Variants in TAF1A observed in about 807,000 individuals in gnomAD.
TAF1A encodes the protein TATA-box binding protein associated factor, RNA polymerase I subunit A, also known as TATA box-binding protein-associated factor RNA polymerase I subunit A.
In TAF1A, 42 loss-of-function variants were observed where a neutral mutation model predicts 61.6. The ratio of observed to expected loss-of-function variants is 0.68; its 90% CI spans 0.53 to 0.88. The LOEUF (loss-of-function observed/expected upper bound fraction) is 0.88. TAF1A is among the 40% of genes least tolerant of loss of function. The pLI is 0.00. For synonymous variants in TAF1A, 179 were observed against 177.7 expected (o/e 1.01, Z -0.06); for missense variants, 424 against 518.7 (o/e 0.82, Z 1.77).
downstream of TAF1A, chr1:222,557,893 T>G (rs548950538): frequency 5.9e-5 from 9 of 151,340 alleles, no homozygotes; most frequent in East Asian, 1.6e-3. Context: ...TTTTTTTTTT[T>G]TTTTTTTTGA....
chr1:222,585,944 A>G (rs905203618), intron 2 of TAF1A, among the ~76,000 whole-genome samples: 4 of 152,196 alleles, frequency 2.6e-5, no homozygotes, highest in Admixed American at 1.3e-4. Flanking sequence ...TCTCTTGCAA[A>G]TATTAAACAT....
chr1:222,556,625 T>C (rs1659730207), downstream of TAF1A, among the ~76,000 whole-genome samples: 1 of 152,226 alleles, frequency 6.6e-6, no homozygotes, highest in Non-Finnish European at 1.5e-5. Context: ...AGCTTAAACA[T>C]CAGTGGACCT....
At chr1:222,563,088 A>G in intron 9 of TAF1A, 85 bp downstream of exon 9, 1 of 1,271,428 alleles carries the variant, frequency 7.9e-7, no homozygotes. Context: ...AAACATAAGC[A>G]AAGATCTTTA....
chr1:222,584,323 T>A lies in TAF1A; in HGVS notation c.122-26A>T, dbSNP rs751106746. The A allele has an allele frequency of 2.6e-6, 4 of 1,563,440 alleles. No homozygotes were observed. In the South Asian group the frequency reaches 4.7e-5, roughly 18 times the overall value. On this transcript the variant is annotated intron_variant, in intron 2 of 10. Coordinates refer to ENST00000352967, the MANE Select transcript of TAF1A (RefSeq NM_005681.4). Reference sequence around the variant, plus strand: ...CTATAAAAACGAAAAAGAAGAGAGTTTTTATCCAAGTGGCTCCAGTTCAAC... The same window carrying A: ...CTATAAAAACGAAAAAGAAGAGAGTATTTATCCAAGTGGCTCCAGTTCAAC...
intron 5 of TAF1A, 127 bp downstream of exon 5, chr1:222,577,318 A>T: frequency 1.4e-6 from 1 of 698,870 alleles, no homozygotes; most frequent in Non-Finnish European, 2.4e-6. Flanking sequence ...CAAGAATTTT[A>T]AATCCATAAA....
At position 222,577,477 on chromosome 1, in the gene TAF1A, C is replaced by A; in HGVS notation, c.572G>T (p.Trp191Leu). The A allele has an allele frequency of 6.2e-7, 1 of 1,613,732 alleles. No individual in the cohort carries two copies. The change falls in exon 5 of 11, where the codon TGG (tryptophan) becomes TTG (leucine). Residue 191 changes from tryptophan (W) to leucine (L), a missense_variant. Coordinates refer to ENST00000352967, the MANE Select transcript of TAF1A (RefSeq NM_005681.4). Reference sequence around the variant, plus strand: ...TGACAATTCCATCTTCTTTTCAGACCAGGTATAATACTGTAAAAGCCCTTT... The same window carrying A: ...TGACAATTCCATCTTCTTTTCAGACAAGGTATAATACTGTAAAAGCCCTTT... The part of the protein sequence containing the change: ...AYKGLLQYYT[W>L]SEKKMELSKL...
At chr1:222,575,685 A>G (rs951300724) in intron 5 of TAF1A, among the ~76,000 whole-genome samples, 3 of 152,240 alleles carry the variant, frequency 2.0e-5, no homozygotes, top group Admixed American at 6.5e-5. Context: ...GTAAGTGCCC[A>G]TGAGTTTGGT....
chr1:222,571,707 GA>G (rs889832754), intron 5 of TAF1A, among the ~76,000 whole-genome samples: 3 of 151,884 alleles, frequency 2.0e-5, no homozygotes, highest in Non-Finnish European at 1.5e-5. Context: ...TGATACTGTT[GA>G]AAAAAAATTT....
chr1:222,559,767 C>T (rs894912970), intron 10 of TAF1A, among the ~76,000 whole-genome samples: 1 of 151,996 alleles, frequency 6.6e-6, no homozygotes, highest in African/African-American at 2.4e-5. Flanking sequence ...CCACCTCAGC[C>T]TCCCAAGTAG....
intron 5 of TAF1A, among the ~76,000 whole-genome samples, chr1:222,572,854 C>T (rs1398358573): frequency 2.0e-5 from 3 of 152,190 alleles, no homozygotes; most frequent in Admixed American, 6.5e-5. Context: ...ATCTTTGCGA[C>T]CTTGCAGTAG....
chr1:222,558,872 A>T (rs181116364), intron 10 of TAF1A, 100 bp from the exon 11 acceptor site: 2 of 493,430 alleles, frequency 4.1e-6, no homozygotes, highest in African/African-American at 3.9e-5. Context: ...CACACTAATG[A>T]TTATGAAAAT....
At chr1:222,568,143 C>T (rs1328464266) in intron 7 of TAF1A, among the ~76,000 whole-genome samples, 12 of 146,020 alleles carry the variant, frequency 8.2e-5, no homozygotes, top group Non-Finnish European at 1.8e-4. Context: ...AGCTAAAAAT[C>T]TACCATGACC....
intron 4 of TAF1A, among the ~76,000 whole-genome samples, 158 bp from the exon 5 acceptor site, chr1:222,577,801 G>GT (rs1282911298): frequency 6.6e-6 from 1 of 152,118 alleles, no homozygotes; most frequent in Admixed American, 6.5e-5. Flanking sequence ...TGGCAAAGAA[G>GT]TAAGACATAG....
chr1:222,577,711 A>C, intron 4 of TAF1A, 68 bp from the exon 5 acceptor site: 1 of 1,381,478 alleles, frequency 7.2e-7, no homozygotes, highest in Non-Finnish European at 1.0e-6. Flanking sequence ...AAGCTCAGTA[A>C]ATATATAATA....
chr1:222,557,797 G>A (rs1240545930), downstream of TAF1A: 1 of 151,750 alleles, frequency 6.6e-6, no homozygotes, highest in Non-Finnish European at 1.5e-5. Context: ...ACCCAAATTA[G>A]TCCTCTAGAG....
At chr1:222,573,731 G>C (rs560509029) in intron 5 of TAF1A, among the ~76,000 whole-genome samples, 178 of 152,200 alleles carry the variant, frequency 1.2e-3, no homozygotes, top group African/African-American at 4.2e-3. Flanking sequence ...ATATGACCCA[G>C]CAATTTCTCT....
downstream of TAF1A, among the ~76,000 whole-genome samples, chr1:222,555,285 C>G (rs1312154103): frequency 6.6e-6 from 1 of 152,112 alleles, no homozygotes; most frequent in African/African-American, 2.4e-5. Flanking sequence ...ATCAAGGTTG[C>G]AAAGAGATAT....
chr1:222,560,352 C>A (rs1057108973), intron 10 of TAF1A, among the ~76,000 whole-genome samples: 7 of 152,100 alleles, frequency 4.6e-5, no homozygotes, highest in Admixed American at 3.3e-4. Flanking sequence ...CACTTTGATG[C>A]GATGTTCACA....
In TAF1A at chr1:222,570,559, G is replaced by T; in HGVS notation, c.711C>A (p.Asp237Glu). ...SALIKIPGVW[D>E]PFVKSYVEML... ...CTTCTACATAACTCTTCACAAAAGGGTCCCAAACTCCAGGAATTTTAATCA... is the reference window on the plus strand; with the variant it reads ...CTTCTACATAACTCTTCACAAAAGGTTCCCAAACTCCAGGAATTTTAATCA... Residue 237 changes from aspartate to glutamate, a missense_variant, in exon 6 of 11, where the codon GAC becomes GAA. Asp to Glu is a conservative substitution (Grantham distance 45). Transcript: ENST00000352967. 1 of 1,611,484 alleles carries T rather than the reference G, an allele frequency of 6.2e-7. No individual in the cohort carries two copies. The highest frequency in any genetic ancestry group is 8.5e-7 in the Non-Finnish European group (1 of 1,178,304).
Sources: allele counts gnomAD v4.1 joint callset (sites outside exome capture counted in the v4.1 genomes callset), GRCh38; gene constraint gnomAD v4.1.1; transcripts MANE v1.5; gene names NCBI Gene and HGNC (gene_info 2026-07-23, HGNC 2026-07-21).